TASOR: variants seen among roughly 807,000 people sequenced by gnomAD.
TASOR encodes the protein transcription activation suppressor.
TASOR carries 53 observed loss-of-function variants against 178.6 expected under a neutral mutation model. The ratio of observed to expected loss-of-function variants is 0.30; its 90% confidence interval spans 0.24 to 0.37. The LOEUF is 0.37. Ranked by LOEUF, TASOR falls within the 10% of genes least tolerant of loss-of-function variation. TASOR has a pLI of 1.00. For missense variants in TASOR, 1,815 were observed against 1,971.4 expected (o/e 0.92, Z 1.50); for synonymous variants, 713 against 696.2 (o/e 1.02, Z -0.38).
Position 56,633,471 on chromosome 3 carries a change from G to C in TASOR, c.3320C>G (p.Ser1107Cys), listed in dbSNP as rs148757920. ...AGGATTCGATGCTATCTTAGCACCA[G>C]AATCGTTAGGACTGACTGGTGGCAA... ...GNLPPVSPND[S>C]GAKIASNPLE... Residue 1107 changes from serine to cysteine, a missense_variant, in exon 18 of 24, where the codon TCT (serine) becomes TGT (cysteine). Ser to Cys is a moderately radical substitution (Grantham distance 112). Coordinates refer to ENST00000683822, the MANE Select transcript of TASOR (RefSeq NM_001365635.2). The C allele has an allele frequency of 1.2e-5, 20 of 1,614,044 alleles. No individual in the cohort carries two copies. Among genetic ancestry groups the C allele is most frequent in the African/African-American group, 2.7e-5 (2 of 74,934 alleles).
chr3:56,629,110 G>T, intron 18 of TASOR: 1 of 152,560 alleles, frequency 6.6e-6, no homozygotes, highest in Non-Finnish European at 1.5e-5. Flanking sequence ...GAATCTAAAG[G>T]TCAGAGCTTC....
At chr3:56,643,771 A>AAC (rs1553725013) in intron 14 of TASOR, among the ~76,000 whole-genome samples, 1 of 104,964 alleles carries the variant, frequency 9.5e-6, no homozygotes, top group African/African-American at 4.6e-5. Context: ...AAAAAAAACA[A>AAC]AAAAAAAAGT....
chr3:56,631,822 A>G (rs572053581), intron 18 of TASOR, among the ~76,000 whole-genome samples: 1 of 151,988 alleles, frequency 6.6e-6, no homozygotes, highest in Non-Finnish European at 1.5e-5. Flanking sequence ...TGAACTCGTG[A>G]TCCACCCGTC....
At chr3:56,657,936 G>A (rs953539) in intron 11 of TASOR, among the ~76,000 whole-genome samples, 1 of 152,318 alleles carries the variant, frequency 6.6e-6, no homozygotes, top group Admixed American at 6.5e-5. Context: ...CTCAGGACAA[G>A]TGGCTTAGGC....
chr3:56,678,406 C>T (rs1222854915), intron 1 of TASOR, among the ~76,000 whole-genome samples: 3 of 151,844 alleles, frequency 2.0e-5, no homozygotes, highest in African/African-American at 7.3e-5. Flanking sequence ...TGGTCTCAAA[C>T]TCCTGACCTC....
intron 21 of TASOR, among the ~76,000 whole-genome samples, chr3:56,626,737 C>G (rs1200513086): frequency 6.6e-6 from 1 of 150,840 alleles, no homozygotes; most frequent in Admixed American, 6.6e-5. Flanking sequence ...AAGCAAAACT[C>G]TATCTCAAAA....
rs2076952376 is a variant in TASOR at position 56,633,229 on chromosome 3, C to G, written c.3562G>C (p.Glu1188Gln). The change falls in exon 18 of 24, where the codon GAA (glutamate) becomes CAA (glutamine). Residue 1188 changes from glutamate to glutamine, a missense_variant. Around this residue, in one of 5 missense-constraint regions of TASOR, gnomAD observed 655 missense variants for 671.1 expected, o/e 0.98. Transcript: ENST00000683822. Reference protein sequence around the residue: ...VPGDMAREPVEETTKSPSDVN... With the variant: ...VPGDMAREPVQETTKSPSDVN... ...TCACTGGGGGATTTTGTTGTTTCTT[C>G]TACTGGTTCCCGGGCCATATCACCA... 1 of 1,614,112 alleles carries G rather than the reference C, an allele frequency of 6.2e-7. No homozygotes were observed. The highest frequency in any genetic ancestry group is 2.2e-5 in the East Asian group (1 of 44,880).
Position 56,627,573 on chromosome 3 carries a change from T to A in TASOR, c.4030+9A>T, listed in dbSNP as rs755449743. On this transcript the variant is annotated intron_variant, in intron 20 of 23. Transcript: ENST00000683822. ...GAGGAGTTACGTGCTCAAAAGAACA[T>A]CATCTTACCAACTGTGACAACCTCT... 5 of 1,613,640 alleles carry A rather than the reference T, an allele frequency of 3.1e-6. No homozygotes were observed. Among genetic ancestry groups the A allele is most frequent in the Non-Finnish European group, 4.2e-6 (5 of 1,179,834 alleles).
Position 56,646,730 on chromosome 3 carries a change from T to A in TASOR, c.2007A>T (p.Arg669Ser). Residue 669 changes from arginine (R) to serine (S), a missense_variant, in exon 14 of 24, where the codon AGA becomes AGT. Around this residue, in one of 5 missense-constraint regions of TASOR, gnomAD observed 504 missense variants for 645.3 expected, o/e 0.78. Coordinates refer to ENST00000683822, the MANE Select transcript of TASOR (RefSeq NM_001365635.2). ...RGEAIISGKQRSSHSLDYDKD... is the reference protein window; with the variant it reads ...RGEAIISGKQSSSHSLDYDKD... ...TATCATAATCCAAAGAATGAGATGATCTTTGCTTTCCAGATATAATGGCTT... is the reference window on the plus strand; with the variant it reads ...TATCATAATCCAAAGAATGAGATGAACTTTGCTTTCCAGATATAATGGCTT... 6.2e-7 allele frequency: 1 copy of A among 1,613,988 alleles called. No homozygotes were observed. Among genetic ancestry groups the A allele is most frequent in the South Asian group, 1.1e-5 (1 of 91,072 alleles).
chr3:56,679,008 CAAAAA>C (rs5849163), intron 1 of TASOR, among the ~76,000 whole-genome samples: 3 of 116,790 alleles, frequency 2.6e-5, no homozygotes, highest in African/African-American at 3.0e-5. Flanking sequence ...GCTCTGACTC[CAAAAA>C]AAAAAAAAAA....
rs747864059 is a variant in TASOR at position 56,656,593 on chromosome 3, G to A, written c.1368+4138C>T. Among the ~76,000 whole-genome samples the A allele has an allele frequency of 2.7e-5, 4 of 147,438 alleles. No homozygotes were observed. The East Asian group carries it at 5.9e-4, about 22-fold the overall frequency. Reference sequence around the variant, plus strand: ...GTGACAGAGCGAGACTCTGTCCCCCGCCCCCCCCCAAAAAAAGAAAGAAAA... The same window carrying A: ...GTGACAGAGCGAGACTCTGTCCCCCACCCCCCCCCAAAAAAAGAAAGAAAA... On this transcript the variant is annotated intron_variant, in intron 11 of 23. Transcript: ENST00000683822.
Position 56,621,411 on chromosome 3 carries a change from TG to T in TASOR, c.*1625del. On this transcript the variant is annotated 3_prime_UTR_variant, in exon 24 of 24. Transcript: ENST00000683822. ...GTACAAGCATTTCTGAAAAAATTTTTGAATGACAAAATTTTATCCTAAGCGA... is the reference window on the plus strand; with the variant it reads ...GTACAAGCATTTCTGAAAAAATTTTTAATGACAAAATTTTATCCTAAGCGA... The T allele has an allele frequency of 1.6e-6, 1 of 640,254 alleles. No homozygotes were observed. The highest frequency in any genetic ancestry group is 2.6e-6 in the Non-Finnish European group (1 of 386,558). 39.7% of individuals were successfully genotyped at this position (640,254 alleles called of 1,614,324 possible).
chr3:56,628,874 C>T lies in TASOR; in HGVS notation c.3748-260G>A, dbSNP rs532230142. 3.6e-5 allele frequency: 9 copies of T among 249,200 alleles called. No homozygotes were observed. In the Admixed American group the frequency reaches 5.0e-4, roughly 14 times the overall value. 15.4% of individuals were successfully genotyped at this position (249,200 alleles called of 1,614,324 possible). ...CTCCCAGGCTCAAGCCACCCTCCCA[C>T]CTCAGCCTCCTGAATACATGGATGG... On this transcript the variant is annotated intron_variant, in intron 18 of 23. Transcript: ENST00000683822.
At chr3:56,675,507 C>T (rs1246361338) in intron 1 of TASOR, among the ~76,000 whole-genome samples, 2 of 152,162 alleles carry the variant, frequency 1.3e-5, no homozygotes, top group South Asian at 2.1e-4. Flanking sequence ...TTTAAATCAA[C>T]TATGCAATTA....
At chr3:56,642,280 G>A (rs184609649) in intron 14 of TASOR, among the ~76,000 whole-genome samples, 10 of 152,138 alleles carry the variant, frequency 6.6e-5, no homozygotes, top group African/African-American at 2.4e-4. Context: ...GTATTATAGA[G>A]ATAAAATCAC....
At chr3:56,659,581 C>T (rs2077549049) in intron 11 of TASOR, among the ~76,000 whole-genome samples, 4 of 152,140 alleles carry the variant, frequency 2.6e-5, no homozygotes, top group African/African-American at 9.7e-5. Context: ...TCATCCCACC[C>T]GCCATCACCC....
At chr3:56,630,502 TA>T (rs1254626115) in intron 18 of TASOR, among the ~76,000 whole-genome samples, 10 of 152,230 alleles carry the variant, frequency 6.6e-5, no homozygotes, top group Non-Finnish European at 1.3e-4. Context: ...CTATGCCAGA[TA>T]AATTAAAAGC....
chr3:56,621,573 G>T lies in TASOR; in HGVS notation c.*1464C>A. 6.2e-7 allele frequency: 1 copy of T among 1,601,848 alleles called. No homozygotes were observed. ...AAAAGGAGTTGGAAAGTAGTCTCCT[G>T]CCTTTAGCTGAAAATCAAGAAGAGA... On this transcript the variant is annotated 3_prime_UTR_variant, in exon 24 of 24. Transcript: ENST00000683822.
intron 17 of TASOR, among the ~76,000 whole-genome samples, chr3:56,637,141 C>T (rs1196242232): frequency 6.6e-6 from 1 of 152,196 alleles, no homozygotes; most frequent in African/African-American, 2.4e-5. Context: ...ATCAGATTAG[C>T]ACTTACTTGG....
Sources: gnomAD v4.1 joint callset for allele counts (sites outside exome capture counted in the v4.1 genomes callset) on GRCh38, gnomAD v4.1.1 for gene constraint, gnomAD v4.1.1 regional missense constraint, MANE v1.5 for transcripts, NCBI Gene and HGNC (gene_info 2026-07-23, HGNC 2026-07-21) for gene names.